Variants in HNF4A observed in about 807,000 individuals in gnomAD.
The protein encoded by HNF4A is hepatocyte nuclear factor 4-alpha.
Under a neutral mutation model 52.4 loss-of-function variants are expected in HNF4A, and 15 were observed. The ratio of observed to expected loss-of-function variants is 0.29; its 90% CI spans 0.19 to 0.44. The LOEUF is 0.44. Among genes scored for constraint, HNF4A ranks in the 20% least tolerant of loss-of-function variants. The probability of loss-of-function intolerance (pLI) is 1.00; values close to 1 mark genes in which losing one functional copy is unlikely to be tolerated. For missense variants in HNF4A, 479 were observed against 647.2 expected (o/e 0.74, Z 2.82); for synonymous variants, 280 against 264.4 (o/e 1.06, Z -0.57).
chr20:44,374,733 G>C (rs1022601492), intron 1 of HNF4A, among the ~76,000 whole-genome samples: 5 of 152,236 alleles, frequency 3.3e-5, no homozygotes, highest in Non-Finnish European at 7.3e-5. Context: ...CAAAGTGCTA[G>C]GATTACAGGC....
intron 8 of HNF4A, among the ~76,000 whole-genome samples, chr20:44,427,678 A>G (rs990559023): frequency 6.6e-6 from 1 of 152,220 alleles, no homozygotes; most frequent in African/African-American, 2.4e-5. Flanking sequence ...TGAAATTGTA[A>G]TGCTCATAGA....
At chr20:44,424,407 G>GA in intron 8 of HNF4A, 153 bp downstream of exon 8, 1 of 1,316,068 alleles carries the variant, frequency 7.6e-7, no homozygotes, top group Non-Finnish European at 1.1e-6. Flanking sequence ...TTCCTCACCA[G>GA]AAAAATGGGA....
chr20:44,418,350 C>G lies in HNF4A; in HGVS notation c.649-75C>G, dbSNP rs1251401572. The G allele has an allele frequency of 4.2e-6, 5 of 1,195,158 alleles. No individual in the cohort carries two copies. In the East Asian group the frequency reaches 9.3e-5, roughly 22 times the overall value. The allele number at this position is 1,195,158 out of a possible 1,614,324, so 74.0% of individuals were successfully genotyped here. A position where few individuals can be genotyped will look rare whatever the true frequency, so the allele number is the denominator to read the frequency against. The stretch of plus-strand genomic sequence containing the variant: ...AGAGGGGAGCATTAAGCTGACTTGC[C>G]CAGCGTCACTGAGTTGGCTACGGGC... On this transcript the variant is annotated intron_variant, in intron 5 of 9. Transcript: ENST00000316099.
At chr20:44,392,520 A>T (rs1045968521) in intron 1 of HNF4A, among the ~76,000 whole-genome samples, 2 of 149,910 alleles carry the variant, frequency 1.3e-5, no homozygotes, top group Non-Finnish European at 2.9e-5. Flanking sequence ...AAATCTTTTT[A>T]AAAAATAGAC....
intron 1 of HNF4A, among the ~76,000 whole-genome samples, chr20:44,359,888 G>T (rs559349011): frequency 3.3e-5 from 5 of 152,290 alleles, no homozygotes; most frequent in African/African-American, 1.2e-4. Flanking sequence ...ATCTTGCTCA[G>T]TGCCAATCTG....
intron 1 of HNF4A, among the ~76,000 whole-genome samples, chr20:44,403,939 C>T (rs1042214621): frequency 2.6e-5 from 4 of 152,182 alleles, no homozygotes; most frequent in Admixed American, 2.0e-4. Context: ...GGGGTCAGCT[C>T]TCCCCGGGGG....
At chr20:44,399,471 A>G (rs1432853485), upstream of HNF4A, among the ~76,000 whole-genome samples, 1 of 152,104 alleles carries the variant, frequency 6.6e-6, no homozygotes, top group Non-Finnish European at 1.5e-5. Flanking sequence ...AGCACTCCCC[A>G]GTCATCTCAG....
At chr20:44,423,032 A>G (rs2063768281) in intron 7 of HNF4A, among the ~76,000 whole-genome samples, 1 of 152,146 alleles carries the variant, frequency 6.6e-6, no homozygotes, top group Non-Finnish European at 1.5e-5. Flanking sequence ...TTGAAAAGGC[A>G]AAGGCCGGGT....
chr20:44,413,672 A>T (rs1345435039), intron 3 of HNF4A, 22 bp from the exon 4 acceptor site: 2 of 1,574,358 alleles, frequency 1.3e-6, no homozygotes, highest in Non-Finnish European at 1.7e-6. Flanking sequence ...CTCCCTCCTC[A>T]CCTCTCTGTG....
At chr20:44,386,298 G>T (rs530310176) in intron 1 of HNF4A, among the ~76,000 whole-genome samples, 1 of 150,930 alleles carries the variant, frequency 6.6e-6, no homozygotes, top group African/African-American at 2.4e-5. Flanking sequence ...CTCCCAAGTA[G>T]CTGGGATTAC....
At chr20:44,417,565 A>G (rs921390986) in intron 5 of HNF4A, among the ~76,000 whole-genome samples, 24 of 152,282 alleles carry the variant, frequency 1.6e-4, no homozygotes, top group African/African-American at 5.1e-4. Context: ...TGCCAGACCA[A>G]TGATTTCCCA....
At chr20:44,405,986 C>T (rs1357111992) in intron 1 of HNF4A, 72 bp from the exon 2 acceptor site, 3 of 1,437,066 alleles carry the variant, frequency 2.1e-6, no homozygotes, top group East Asian at 2.3e-5. Context: ...CTGGAGAGAT[C>T]CCCGCAAGGC....
At chr20:44,360,959 C>T (rs2062910597) in intron 1 of HNF4A, among the ~76,000 whole-genome samples, 1 of 152,190 alleles carries the variant, frequency 6.6e-6, no homozygotes, top group African/African-American at 2.4e-5. Context: ...CTATAACAAA[C>T]ATGCCGTGTC....
intron 8 of HNF4A, 112 bp from the exon 9 acceptor site, chr20:44,428,223 C>A: frequency 9.4e-7 from 1 of 1,067,480 alleles, no homozygotes; most frequent in Non-Finnish European, 1.5e-6. Context: ...CCAACAGGCA[C>A]TGCCAATATT....
At chr20:44,394,125 C>G (rs1332611780) in intron 1 of HNF4A, among the ~76,000 whole-genome samples, 1 of 152,204 alleles carries the variant, frequency 6.6e-6, no homozygotes, top group Non-Finnish European at 1.5e-5. Context: ...CTTCCAATGG[C>G]TCTCAGGCAC....
intron 3 of HNF4A, among the ~76,000 whole-genome samples, chr20:44,413,363 C>A (rs1160650130): frequency 6.6e-6 from 1 of 152,112 alleles, no homozygotes; most frequent in Non-Finnish European, 1.5e-5. Flanking sequence ...TTTTGTAGAC[C>A]AGAGCTTGAA....
chr20:44,374,854 C>T (rs182979415), intron 1 of HNF4A, among the ~76,000 whole-genome samples: 4 of 152,192 alleles, frequency 2.6e-5, no homozygotes, highest in Non-Finnish European at 1.5e-5. Flanking sequence ...GGTTATATAC[C>T]AAATCATGAA....
intron 5 of HNF4A, among the ~76,000 whole-genome samples, chr20:44,418,070 C>A (rs979240241): frequency 6.6e-6 from 1 of 151,780 alleles, no homozygotes; most frequent in Non-Finnish European, 1.5e-5. Flanking sequence ...AGTTTTGGAA[C>A]TTTTTGGGAT....
chr20:44,411,077 G>A (rs565378900), intron 3 of HNF4A, among the ~76,000 whole-genome samples: 1 of 152,312 alleles, frequency 6.6e-6, no homozygotes, highest in East Asian at 1.9e-4. Context: ...ACAGACACCT[G>A]CCTTGGCCTA....
Sources: allele counts gnomAD v4.1 joint callset (sites outside exome capture counted in the v4.1 genomes callset), GRCh38; gene constraint gnomAD v4.1.1; transcripts MANE v1.5; gene names NCBI Gene and HGNC (gene_info 2026-07-23, HGNC 2026-07-21).